The following GAPVD1 variants were observed in gnomAD, a reference collection of about 807,000 sequenced individuals.
The protein encoded by GAPVD1 is GTPase activating protein and VPS9 domains 1.
In GAPVD1, 35 loss-of-function variants were observed where a neutral mutation model predicts 155.5. The observed-to-expected ratio is 0.23, with a 90% confidence interval of 0.17 to 0.30. The LOEUF (loss-of-function observed/expected upper bound fraction) is 0.30. Among genes scored for constraint, GAPVD1 ranks in the 10% least tolerant of loss-of-function variants. The pLI, the probability that GAPVD1 is intolerant of heterozygous loss-of-function variation, is 1.00. For synonymous variants in GAPVD1, 636 were observed against 619.7 expected (o/e 1.03, Z -0.39); for missense variants, 1,429 against 1,775.7 (o/e 0.80, Z 3.51).
At chr9:125,263,954 G>T (rs1435658761) in intron 1 of GAPVD1, 2 of 1,403,854 alleles carry the variant, frequency 1.4e-6, no homozygotes, top group African/African-American at 2.8e-5. Flanking sequence ...AGACTTGAGA[G>T]ACTGCATGGC....
intron 18 of GAPVD1, chr9:125,341,935 T>A (rs1025194898): frequency 8.6e-6 from 2 of 231,496 alleles, no homozygotes; most frequent in African/African-American, 4.6e-5. Flanking sequence ...CTAGGAGTTT[T>A]GAATGTGTTT....
At chr9:125,348,333 C>A (rs1307434695) in intron 20 of GAPVD1, among the ~76,000 whole-genome samples, 1 of 151,968 alleles carries the variant, frequency 6.6e-6, no homozygotes, top group Non-Finnish European at 1.5e-5. Flanking sequence ...AGGATATTTT[C>A]ATATATGAAC....
chr9:125,302,063 T>A lies in GAPVD1; in HGVS notation c.266T>A (p.Leu89Ter). The A allele has an allele frequency of 6.2e-7, 1 of 1,613,034 alleles. No individual in the cohort carries two copies. The highest frequency in any genetic ancestry group is 8.5e-7 in the Non-Finnish European group (1 of 1,179,484). The change falls in exon 5 of 28, where the codon TTG becomes TAG. Residue 89 changes from leucine (L) to a stop codon, truncating the protein, a stop_gained. Transcript: ENST00000297933. LOFTEE classifies it high-confidence loss of function. The stretch of plus-strand genomic sequence containing the variant: ...CAATTTGTTGATGGGTATAAGCAAT[T>A]GGGATTTCAGGAGACTGCTTATGGA... ...DTQFVDGYKQLGFQETAYGEF... is the reference protein window; with the variant it reads ...DTQFVDGYKQ
Position 125,341,254 on chromosome 9 carries a change from C to T in GAPVD1, c.2955C>T (p.Ala985=), listed in dbSNP as rs753684603. The T allele has an allele frequency of 6.5e-7, 1 of 1,527,936 alleles. No homozygotes were observed. The highest frequency in any genetic ancestry group is 2.2e-5 in the East Asian group (1 of 44,472). 94.6% of individuals were successfully genotyped at this position (1,527,936 alleles called of 1,614,324 possible). The change falls in exon 18 of 28, where the codon GCC becomes GCT. Residue 985 remains alanine (A), a synonymous_variant. Coordinates refer to ENST00000297933, the MANE Select transcript of GAPVD1 (RefSeq NM_001282680.3). ...RPWWRKRFVS[A]MPKAPIPFRK... The stretch of plus-strand genomic sequence containing the variant: ...GGTGGAGAAAACGTTTTGTTTCAGC[C>T]ATGCCTAAAGGTAATTTTATAAAAT...
At chr9:125,264,447 G>A (rs1159460373) in intron 1 of GAPVD1, among the ~76,000 whole-genome samples, 1 of 152,040 alleles carries the variant, frequency 6.6e-6, no homozygotes, top group African/African-American at 2.4e-5. Flanking sequence ...TGCCTGCCTC[G>A]GACTCCCAAA....
chr9:125,262,990 G>A (rs1018327494), intron 1 of GAPVD1, among the ~76,000 whole-genome samples: 2 of 152,120 alleles, frequency 1.3e-5, no homozygotes, highest in African/African-American at 2.4e-5. Flanking sequence ...TACTAGACCC[G>A]CCGTTAGACA....
chr9:125,319,111 G>C (rs912465480), intron 9 of GAPVD1, among the ~76,000 whole-genome samples: 1 of 152,092 alleles, frequency 6.6e-6, no homozygotes, highest in African/African-American at 2.4e-5. Flanking sequence ...GGGAGGTGGA[G>C]GTGGCAGTGA....
At chr9:125,311,207 C>T (rs116526677) in intron 8 of GAPVD1, among the ~76,000 whole-genome samples, 2 of 152,240 alleles carry the variant, frequency 1.3e-5, no homozygotes, top group Non-Finnish European at 2.9e-5. Flanking sequence ...ATAATTGAAG[C>T]CTTTATTAAT....
At chr9:125,324,110 A>C (rs1222823477) in intron 11 of GAPVD1, among the ~76,000 whole-genome samples, 187 bp downstream of exon 11, 1 of 152,250 alleles carries the variant, frequency 6.6e-6, no homozygotes, top group Admixed American at 6.5e-5. Context: ...GTTTAGGCTT[A>C]ATAAATTAAT....
intron 11 of GAPVD1, among the ~76,000 whole-genome samples, chr9:125,325,203 C>T (rs1428454606): frequency 3.4e-5 from 5 of 149,166 alleles, no homozygotes; most frequent in Non-Finnish European, 7.4e-5. Flanking sequence ...CTAGCCTGGG[C>T]GACAGAGTGA....
intron 17 of GAPVD1, among the ~76,000 whole-genome samples, chr9:125,338,957 G>GTGTA (rs1456042833): frequency 9.0e-6 from 1 of 111,396 alleles, no homozygotes; most frequent in African/African-American, 3.7e-5. Context: ...GTGTGTGTGT[G>GTGTA]TATATATATT....
At chr9:125,273,200 G>A (rs1223595696) in intron 2 of GAPVD1, among the ~76,000 whole-genome samples, 1 of 152,158 alleles carries the variant, frequency 6.6e-6, no homozygotes, top group Non-Finnish European at 1.5e-5. Context: ...TTATCTAATT[G>A]TGAAAGTTCC....
intron 9 of GAPVD1, among the ~76,000 whole-genome samples, chr9:125,316,998 C>T (rs1227690314): frequency 3.9e-5 from 6 of 152,064 alleles, no homozygotes; most frequent in Admixed American, 6.6e-5. Flanking sequence ...AAAATATGGC[C>T]CTTTCACAGG....
intron 3 of GAPVD1, among the ~76,000 whole-genome samples, chr9:125,298,481 ATTT>A (rs34644117): frequency 1.5e-4 from 13 of 89,262 alleles, no homozygotes; most frequent in South Asian, 1.2e-3. Context: ...ATGTAACCTA[ATTT>A]TTTTTTTTTT....
At chr9:125,345,829 C>T (rs1848440460) in intron 19 of GAPVD1, 1 of 152,106 alleles carries the variant, frequency 6.6e-6, no homozygotes, top group South Asian at 2.1e-4. Context: ...AAACACAACA[C>T]ACACACACAA....
intron 3 of GAPVD1, among the ~76,000 whole-genome samples, chr9:125,297,788 C>T (rs1840104756): frequency 6.6e-6 from 1 of 152,146 alleles, no homozygotes; most frequent in South Asian, 2.1e-4. Flanking sequence ...CTCTATTGCC[C>T]AGGCTGGAGT....
chr9:125,320,348 T>C (rs191044358), intron 9 of GAPVD1, among the ~76,000 whole-genome samples: 77 of 152,242 alleles, frequency 5.1e-4, no homozygotes, highest in Admixed American at 1.4e-3. Context: ...AGTTATGTTA[T>C]TTGGAAGTCA....
At chr9:125,276,395 A>G (rs1449255758) in intron 2 of GAPVD1, among the ~76,000 whole-genome samples, 1 of 152,182 alleles carries the variant, frequency 6.6e-6, no homozygotes, top group East Asian at 1.9e-4. Context: ...CTAATTTTGA[A>G]GAAATATCTT....
chr9:125,283,444 G>C (rs568481449), intron 2 of GAPVD1, among the ~76,000 whole-genome samples: 1 of 152,076 alleles, frequency 6.6e-6, no homozygotes, highest in South Asian at 2.1e-4. Flanking sequence ...CTGCAGCCTT[G>C]ACATCCCCGG....
Sources: allele counts gnomAD v4.1 joint callset (sites outside exome capture counted in the v4.1 genomes callset), GRCh38; gene constraint gnomAD v4.1.1; transcripts MANE v1.5; gene names NCBI Gene and HGNC (gene_info 2026-07-23, HGNC 2026-07-21).